FES: variants seen among roughly 807,000 people sequenced by gnomAD.
The protein encoded by FES is FES proto-oncogene, tyrosine kinase.
In FES, 83 loss-of-function variants were observed where a neutral mutation model predicts 109.6. The observed-to-expected ratio is 0.76, with a 90% CI of 0.63 to 0.91. FES has a LOEUF of 0.91. Ranked by LOEUF, FES falls within the 40% of genes least tolerant of loss-of-function variation. FES has a pLI of 0.00. For synonymous variants in FES, 458 were observed against 442.1 expected (o/e 1.04, Z -0.45); for missense variants, 943 against 1,070.9 (o/e 0.88, Z 1.67).
intron 2 of FES, 61 bp downstream of exon 2, chr15:90,885,319 G>A: frequency 6.3e-7 from 1 of 1,598,178 alleles, no homozygotes; most frequent in Non-Finnish European, 8.5e-7. Flanking sequence ...TCCTCTCCTG[G>A]GGGCCCTCTG....
At chr15:90,890,914 C>T in intron 10 of FES, 68 bp from the exon 11 acceptor site, 1 of 1,455,568 alleles carries the variant, frequency 6.9e-7, no homozygotes, top group Non-Finnish European at 9.3e-7. Context: ...GAGAGAGACC[C>T]CCGGCTGCCC....
intron 13 of FES, chr15:90,892,331 C>A: frequency 1.6e-6 from 1 of 607,984 alleles, no homozygotes; most frequent in South Asian, 2.0e-5. Context: ...CTGACCTCAT[C>A]ACCCCCACCC....
Position 90,885,415 on chromosome 15 carries a change from T to A in FES, c.217T>A (p.Trp73Arg). Reference sequence around the variant, plus strand: ...CTCCCCCATCTGTGCTGTATAGTCCTGGGCTGAGATCACCAGCCAAACTGA... The same window carrying A: ...CTCCCCCATCTGTGCTGTATAGTCCAGGGCTGAGATCACCAGCCAAACTGA... ...ISPDSPISQSWAEITSQTEGL... is the reference protein window; with the variant it reads ...ISPDSPISQSRAEITSQTEGL... The change falls in exon 3 of 19, where the codon TGG (tryptophan) becomes AGG (arginine). Residue 73 changes from tryptophan (W) to arginine (R), a missense_variant. By Grantham distance (101) the Trp-to-Arg change is moderately radical. Coordinates refer to ENST00000328850, the MANE Select transcript of FES (RefSeq NM_002005.4). 1.2e-6 allele frequency: 2 copies of A among 1,612,240 alleles called. No individual in the cohort carries two copies. The highest frequency in any genetic ancestry group is 1.7e-6 in the Non-Finnish European group (2 of 1,179,624).
chr15:90,888,744 GTTCA>G (rs1216827190), intron 5 of FES, among the ~76,000 whole-genome samples: 86 of 139,534 alleles, frequency 6.2e-4, no homozygotes, highest in East Asian at 1.5e-3. Flanking sequence ...AAGGATAGCA[GTTCA>G]TTTATTTATT....
intron 11 of FES, 151 bp downstream of exon 11, chr15:90,891,342 C>G: frequency 9.0e-7 from 1 of 1,116,498 alleles, no homozygotes; most frequent in Non-Finnish European, 1.3e-6. Context: ...AGAGACCACC[C>G]TGTCCCTGCA....
intron 12 of FES, 128 bp downstream of exon 12, chr15:90,891,804 G>C: frequency 7.2e-7 from 1 of 1,385,940 alleles, no homozygotes; most frequent in Non-Finnish European, 9.8e-7. Flanking sequence ...TGCAGAGTGA[G>C]TGACCCTCAG....
rs1369209606 is a variant in FES, at chr15:90,889,102, A to G, written c.669-204A>G. 2.0e-5 allele frequency: 13 copies of G among 635,802 alleles called. No homozygotes were observed. The highest frequency in any genetic ancestry group is 1.2e-4 in the South Asian group (6 of 48,162). 39.4% of individuals were successfully genotyped at this position (635,802 alleles called of 1,614,324 possible). On this transcript the variant is annotated intron_variant, in intron 5 of 18. Transcript: ENST00000328850. The surrounding 1 kb of genome is among the most constrained non-coding windows in gnomAD (Gnocchi z 6.1). The stretch of plus-strand genomic sequence containing the variant: ...GTGCCTGGCCCACTGGATCCTTATT[A>G]CAACTGCCAGTGTCCCTCTTATATA...
rs1212217697 is a variant in FES at position 90,890,409 on chromosome 15, G to C, written c.1245G>C (p.Glu415Asp). 6.2e-7 allele frequency: 1 copy of C among 1,612,854 alleles called. No individual in the cohort carries two copies. Among genetic ancestry groups the C allele is most frequent in the Non-Finnish European group, 8.5e-7 (1 of 1,179,916 alleles). Residue 415 changes from glutamate (E) to aspartate (D), a missense_variant, in exon 10 of 19, where the codon GAG (glutamate) becomes GAC (aspartate). Glu to Asp is a conservative substitution (Grantham distance 45, BLOSUM62 2). Transcript: ENST00000328850. Reference protein sequence around the residue: ...DRHSTSSSEQEREGGRTPTLE... With the variant: ...DRHSTSSSEQDREGGRTPTLE... ...TCTGTCCCTGGCCTCAGGAGCAGGA[G>C]CGAGAGGGGGGAAGGACACCCACGC...
chr15:90,892,665 C>T (rs376672535), intron 13 of FES, 42 bp from the exon 14 acceptor site: 173 of 1,542,104 alleles, frequency 1.1e-4, no homozygotes, highest in Middle Eastern at 2.3e-4. Context: ...AAGAGAACTG[C>T]GGGACTGGGA....
chr15:90,887,980 C>G (rs891849083), intron 5 of FES, among the ~76,000 whole-genome samples: 1 of 152,188 alleles, frequency 6.6e-6, no homozygotes, highest in African/African-American at 2.4e-5. Flanking sequence ...GAGAGTCATA[C>G]ACGAGGCTGG....
Position 90,895,407 on chromosome 15 carries a change from T to C in FES, c.2327-9T>C. 6.6e-7 allele frequency: 1 copy of C among 1,520,216 alleles called. No homozygotes were observed. Among genetic ancestry groups the C allele is most frequent in the Non-Finnish European group, 8.9e-7 (1 of 1,129,036 alleles). The allele number at this position is 1,520,216 out of a possible 1,614,324, so 94.2% of individuals were successfully genotyped here. On this transcript the variant is annotated splice_polypyrimidine_tract_variant and intron_variant, in intron 18 of 18. Coordinates refer to ENST00000328850, the MANE Select transcript of FES (RefSeq NM_002005.4). The stretch of plus-strand genomic sequence containing the variant: ...CCTCATGCCTGGTGTGCTGTGCCTC[T>C]CCTCACAGGGGGCCGTCTGCCCTGC...
chr15:90,893,269 C>G, intron 15 of FES, 22 bp from the exon 16 acceptor site: 2 of 1,610,122 alleles, frequency 1.2e-6, no homozygotes, highest in Non-Finnish European at 1.7e-6. Context: ...GGAGGCTCAG[C>G]AGGGGTCCTC....
At chr15:90,886,866 C>T in intron 3 of FES, 95 bp from the exon 4 acceptor site, 2 of 1,163,132 alleles carry the variant, frequency 1.7e-6, no homozygotes, top group South Asian at 1.3e-5. Context: ...GTGCTCCTTG[C>T]CTGACGACAG....
In FES at chr15:90,892,054, C is replaced by G. The variant is rs1375745723; in HGVS notation, c.1654-4C>G. ...TCTGATCCCCTGTCTCCTCTCTTCC[C>G]CAGGACAAGTGGGTGCTGAACCATG... On this transcript the variant is annotated splice_region_variant and splice_polypyrimidine_tract_variant and intron_variant, in intron 12 of 18. Transcript: ENST00000328850. 2 of 1,614,010 alleles carry G rather than the reference C, an allele frequency of 1.2e-6. No homozygotes were observed. Among genetic ancestry groups the G allele is most frequent in the Non-Finnish European group, 1.7e-6 (2 of 1,179,998 alleles).
intron 18 of FES, 31 bp downstream of exon 18, chr15:90,894,089 G>A (rs368643000): frequency 1.9e-6 from 3 of 1,610,704 alleles, no homozygotes; most frequent in Admixed American, 1.7e-5. Flanking sequence ...GCAGCCTCAG[G>A]CTGCACCCTC....
intron 3 of FES, 94 bp downstream of exon 3, chr15:90,885,679 A>T: frequency 1.3e-6 from 2 of 1,497,902 alleles, no homozygotes; most frequent in Non-Finnish European, 1.8e-6. Context: ...TTCACTGGGG[A>T]AGTGTAAGTC....
rs752187808 is a variant in FES at position 90,891,174 on chromosome 15, A to G, written c.1513A>G (p.Ile505Val). Residue 505 changes from isoleucine (I) to valine (V), a missense_variant, in exon 11 of 19, where the codon ATC becomes GTC. Physicochemically the swap from Ile to Val is conservative, Grantham distance 29. Transcript: ENST00000328850. Reference protein sequence around the residue: ...VLWDGLPRHFIIQSLDNLYRL... With the variant: ...VLWDGLPRHFVIQSLDNLYRL... ...GTGGGATGGTCTGCCCCGGCACTTC[A>G]TCATCCAGTCCTTGGATGTGAGTGG... The G allele has an allele frequency of 5.8e-6, 9 of 1,559,118 alleles. No individual in the cohort carries two copies. The highest frequency in any genetic ancestry group is 7.8e-6 in the Non-Finnish European group (9 of 1,151,790).
At chr15:90,886,230 TC>T (rs2032607426) in intron 3 of FES, among the ~76,000 whole-genome samples, 1 of 152,166 alleles carries the variant, frequency 6.6e-6, no homozygotes, top group Non-Finnish European at 1.5e-5. Context: ...CCCCAAAAGA[TC>T]ATCTGATTCA....
intron 1 of FES, 97 bp from the exon 2 acceptor site, chr15:90,884,940 A>C: frequency 2.0e-6 from 2 of 981,822 alleles, no homozygotes; most frequent in Non-Finnish European, 3.0e-6. Context: ...CCCCGTCTGC[A>C]GTCCATCCTG....
Sources: allele counts gnomAD v4.1 joint callset (sites outside exome capture counted in the v4.1 genomes callset), GRCh38; gene constraint gnomAD v4.1.1; non-coding constraint Gnocchi (gnomAD v3.1); transcripts MANE v1.5; gene names NCBI Gene and HGNC (gene_info 2026-07-23, HGNC 2026-07-21).